The following RYR3 variants were observed in gnomAD, a reference collection of about 807,000 sequenced individuals.
The protein encoded by RYR3 is brain ryanodine receptor-calcium release channel.
RYR3 carries 207 observed loss-of-function variants against 584.3 expected under a neutral mutation model. That is an observed-to-expected ratio of 0.35 (90% confidence interval 0.32 to 0.40). The LOEUF (loss-of-function observed/expected upper bound fraction) is 0.40, where lower values mean the gene tolerates loss of function less well. RYR3 is among the 10% of genes least tolerant of loss of function. The pLI, the probability that RYR3 is intolerant of heterozygous loss-of-function variation, is 1.00. For missense variants in RYR3, 5,616 were observed against 6,089.2 expected, an observed-to-expected ratio of 0.92 and a Z score of 2.59; for synonymous variants, 2,416 against 2,248.5, an observed-to-expected ratio of 1.07 and a Z score of -2.11.
intron 1 of RYR3, among the ~76,000 whole-genome samples, chr15:33,333,576 C>G (rs1970617703): frequency 6.6e-6 from 1 of 152,098 alleles, no homozygotes; most frequent in Admixed American, 6.6e-5. Context: ...ATGACAAACC[C>G]ACAGCCAACA....
At chr15:33,796,722 C>T (rs1169977715) in intron 67 of RYR3, among the ~76,000 whole-genome samples, 1 of 152,200 alleles carries the variant, frequency 6.6e-6, no homozygotes, top group Admixed American at 6.5e-5. Flanking sequence ...AATAGACCTA[C>T]TATTCAATCC....
intron 48 of RYR3, among the ~76,000 whole-genome samples, chr15:33,734,456 G>A (rs983016638): frequency 9.2e-5 from 14 of 152,162 alleles, no homozygotes; most frequent in East Asian, 5.8e-4. Context: ...AAAAGAAATC[G>A]TTTCCATCAG....
At chr15:33,766,125 A>T (rs2152877988) in intron 60 of RYR3, among the ~76,000 whole-genome samples, 1 of 152,100 alleles carries the variant, frequency 6.6e-6, no homozygotes, top group South Asian at 2.1e-4. Flanking sequence ...TACTAAAAAA[A>T]CAAAAAAAAT....
At chr15:33,379,170 G>A (rs2040970677) in intron 1 of RYR3, among the ~76,000 whole-genome samples, 1 of 152,120 alleles carries the variant, frequency 6.6e-6, no homozygotes, top group Non-Finnish European at 1.5e-5. Context: ...ATGAGTACAA[G>A]CAGTTCTGGC....
In RYR3 at chr15:33,748,234, C is replaced by T. The variant is rs2070938388; in HGVS notation, c.8110C>T (p.Leu2704Phe). The T allele has an allele frequency of 1.2e-6, 2 of 1,613,776 alleles. No homozygotes were observed. The highest frequency in any genetic ancestry group is 1.7e-6 in the Non-Finnish European group (2 of 1,179,884). The change falls in exon 54 of 104, where the codon CTT (leucine) becomes TTT (phenylalanine). Residue 2704 changes from leucine to phenylalanine, a missense_variant. Leu to Phe is a conservative substitution (Grantham distance 22, BLOSUM62 0). Around this residue, in one of 9 missense-constraint regions of RYR3, gnomAD observed 1,280 missense variants for 1,426.2 expected, o/e 0.90. Coordinates refer to ENST00000634891, the MANE Select transcript of RYR3 (RefSeq NM_001036.6). ...ALVQQRENEK[L>F]RSVSQANQGN... is the part of the protein sequence containing the mutation. ...GGTTCAACAGCGGGAAAATGAGAAG[C>T]TTCGAAGTGTGTCCCAGGCCAACCA...
chr15:33,788,197 G>C (rs766310694), intron 66 of RYR3, 21 bp from the exon 67 acceptor site: 1 of 1,612,936 alleles, frequency 6.2e-7, no homozygotes. Context: ...GAAATGACGG[G>C]GAGGCTCTTT....
intron 1 of RYR3, among the ~76,000 whole-genome samples, chr15:33,394,736 C>G (rs915066818): frequency 2.0e-5 from 3 of 152,170 alleles, no homozygotes; most frequent in Admixed American, 6.5e-5. Flanking sequence ...GGGGCTTTTA[C>G]CAACCAAACA....
intron 63 of RYR3, among the ~76,000 whole-genome samples, chr15:33,772,852 A>G (rs1408936967): frequency 2.0e-5 from 3 of 152,214 alleles, no homozygotes; most frequent in South Asian, 2.1e-4. Flanking sequence ...TGTGCCATAG[A>G]AACAGTGCAG....
In RYR3 at chr15:33,611,412, C is replaced by T. The variant is rs1467016394; in HGVS notation, c.2165-1771C>T. On this transcript the variant is annotated intron_variant, in intron 18 of 103. Transcript: ENST00000634891. ...TCTACTAAAAATACAAAAAGTTAGG[C>T]GGGCGTGGTGGCGGGCACCTGTAGT... Among the ~76,000 whole-genome samples, 63 of 151,770 alleles carry T rather than the reference C, an allele frequency of 4.2e-4. 1 individual carries two copies. Among genetic ancestry groups the T allele is most frequent in the African/African-American group, 1.5e-3 (61 of 41,460 alleles).
chr15:33,536,479 G>T (rs953702296), intron 5 of RYR3, among the ~76,000 whole-genome samples: 2 of 152,172 alleles, frequency 1.3e-5, no homozygotes, highest in Non-Finnish European at 2.9e-5. Flanking sequence ...CACACTAAAA[G>T]TGTTATTTTG....
Position 33,705,208 on chromosome 15 carries a change from T to C in RYR3, c.6484-1711T>C, listed in dbSNP as rs144427367. ...GAAAACTCTGCCCAATTCTGGCCCT[T>C]ATTGATGCTTCCCTGACATTTTAAA... On this transcript the variant is annotated intron_variant, in intron 42 of 103. Coordinates refer to ENST00000634891, the MANE Select transcript of RYR3 (RefSeq NM_001036.6). Among the ~76,000 whole-genome samples the C allele has an allele frequency of 8.8e-3, 1,345 of 151,984 alleles. 13 individuals carry two copies. Among genetic ancestry groups the C allele is most frequent in the Non-Finnish European group, 0.014 (941 of 67,996 alleles).
At chr15:33,615,128 C>T (rs894168686) in intron 19 of RYR3, among the ~76,000 whole-genome samples, 2 of 152,154 alleles carry the variant, frequency 1.3e-5, no homozygotes, top group Non-Finnish European at 2.9e-5. Flanking sequence ...TTAAAGAGAT[C>T]ACAATCAATT....
chr15:33,548,991 A>C (rs1220551872), intron 9 of RYR3, among the ~76,000 whole-genome samples: 1 of 152,118 alleles, frequency 6.6e-6, no homozygotes, highest in Non-Finnish European at 1.5e-5. Context: ...ATGCCCCCCA[A>C]GGGCTCCTGA....
intron 1 of RYR3, among the ~76,000 whole-genome samples, chr15:33,407,939 T>C (rs1354501259): frequency 1.3e-5 from 2 of 152,084 alleles, no homozygotes; most frequent in Admixed American, 6.6e-5. Context: ...TGTTCCTTTG[T>C]ACAGCATTGC....
In RYR3 at chr15:33,724,187, C is replaced by T. The variant is rs528353277; in HGVS notation, c.6912+11C>T. On this transcript the variant is annotated intron_variant, in intron 45 of 103. Coordinates refer to ENST00000634891, the MANE Select transcript of RYR3 (RefSeq NM_001036.6). ...GCTCCTGAAATGCACGTAAGTGATA[C>T]AGCTTCCAGAGAACAGCTTTGAGAA... 5.5e-6 allele frequency: 8 copies of T among 1,467,854 alleles called. No individual in the cohort carries two copies. The highest frequency in any genetic ancestry group is 3.5e-5 in the South Asian group (3 of 86,288). The allele number at this position is 1,467,854 out of a possible 1,614,324, so 90.9% of individuals were successfully genotyped here. A position where few individuals can be genotyped will look rare whatever the true frequency, so the allele number is the denominator to read the frequency against.
intron 5 of RYR3, among the ~76,000 whole-genome samples, chr15:33,535,043 G>A (rs2055208558): frequency 6.6e-6 from 1 of 152,158 alleles, no homozygotes; most frequent in African/African-American, 2.4e-5. Context: ...AAATTGGGTA[G>A]GAACAGAGAC....
At position 33,636,589 on chromosome 15, in the gene RYR3, G is replaced by C. The variant is rs752912985; in HGVS notation, c.3556+39G>C. 2.0e-6 allele frequency: 3 copies of C among 1,528,902 alleles called. No homozygotes were observed. The East Asian group carries it at 6.8e-5, about 35-fold the overall frequency. The allele number at this position is 1,528,902 out of a possible 1,614,324, so 94.7% of individuals were successfully genotyped here. On this transcript the variant is annotated intron_variant, in intron 27 of 103. Coordinates refer to ENST00000634891, the MANE Select transcript of RYR3 (RefSeq NM_001036.6). ...CCTCTGCCAACCCCAGCTCCATGAGGCTGGAGGAAAATATAGGGAGAGCTG... is the reference window on the plus strand; with the variant it reads ...CCTCTGCCAACCCCAGCTCCATGAGCCTGGAGGAAAATATAGGGAGAGCTG...
intron 2 of RYR3, among the ~76,000 whole-genome samples, chr15:33,488,238 A>G (rs74715390): frequency 0.045 from 6,807 of 152,262 alleles, 249 homozygotes; most frequent in Non-Finnish European, 0.063. Context: ...GTAAAGTAGC[A>G]CCATAAGTCT....
intron 34 of RYR3, among the ~76,000 whole-genome samples, chr15:33,661,732 C>T (rs1008749000): frequency 6.6e-6 from 1 of 152,096 alleles, no homozygotes; most frequent in African/African-American, 2.4e-5. Flanking sequence ...GGATTGGGAA[C>T]CCCTGATGTA....
Sources: gnomAD v4.1 joint callset for allele counts (sites outside exome capture counted in the v4.1 genomes callset) on GRCh38, gnomAD v4.1.1 for gene constraint, gnomAD v4.1.1 regional missense constraint, MANE v1.5 for transcripts, NCBI Gene and HGNC (gene_info 2026-07-23, HGNC 2026-07-21) for gene names.